The following PCDHGA6 variants were observed in gnomAD, a reference collection of about 807,000 sequenced individuals.
PCDHGA6 encodes the protein protocadherin gamma subfamily A, 6, also known as protocadherin gamma-A6.
PCDHGA6 carries 41 observed loss-of-function variants against 60.6 expected under a neutral mutation model. That is an observed-to-expected ratio of 0.68 (90% CI 0.53 to 0.88). The LOEUF is 0.88. Ranked by LOEUF, PCDHGA6 falls within the 40% of genes least tolerant of loss-of-function variation. The pLI is 0.00. For synonymous variants in PCDHGA6, 594 were observed against 524.4 expected (o/e 1.13, Z -1.81); for missense variants, 1,312 against 1,203.0 (o/e 1.09, Z -1.34).
At chr5:141,409,896 C>A (rs1181128940) in intron 1 of PCDHGA6, 1 of 1,613,240 alleles carries the variant, frequency 6.2e-7, no homozygotes, top group African/African-American at 1.3e-5. Context: ...GTGCTGTACC[C>A]AGCTCTGGGT....
Position 141,403,961 on chromosome 5 carries a change from G to A in PCDHGA6, c.2424+27454G>A, listed in dbSNP as rs763967342. 8.1e-6 allele frequency: 13 copies of A among 1,613,892 alleles called. No individual in the cohort carries two copies. Among genetic ancestry groups the A allele is most frequent in the Non-Finnish European group, 1.1e-5 (13 of 1,179,856 alleles). On this transcript the variant is annotated intron_variant, in intron 1 of 3. Transcript: ENST00000517434. ...AGGGTGGACAAAAGTGCTCATTTCG[G>A]TGGAAGATGTAAATGACAATAGACC...
chr5:141,442,700 T>TC (rs1388243183), intron 1 of PCDHGA6, among the ~76,000 whole-genome samples: 5 of 152,198 alleles, frequency 3.3e-5, no homozygotes, highest in Non-Finnish European at 7.3e-5. Flanking sequence ...CAGACAAGAG[T>TC]ATCAGACATG....
At chr5:141,444,178 TTTTTTTTTTTG>T in intron 1 of PCDHGA6, among the ~76,000 whole-genome samples, 1 of 134,050 alleles carries the variant, frequency 7.5e-6, no homozygotes, top group Admixed American at 7.5e-5. Flanking sequence ...TTTTTTTTTT[TTTTTTTTTTTG>T]AGATGGAGTT....
At chr5:141,430,950 TC>T (rs1353555538) in intron 1 of PCDHGA6, 1 of 1,609,980 alleles carries the variant, frequency 6.2e-7, no homozygotes, top group East Asian at 2.2e-5. Flanking sequence ...GAGCGCGGAG[TC>T]CGCATCATCC....
intron 1 of PCDHGA6, chr5:141,400,037 G>T (rs778871485): frequency 3.1e-6 from 5 of 1,613,132 alleles, no homozygotes; most frequent in Admixed American, 1.7e-5. Flanking sequence ...GCCCGCCAGC[G>T]CCTGCTGGTT....
At chr5:141,434,807 A>G (rs2097718601) in intron 1 of PCDHGA6, among the ~76,000 whole-genome samples, 1 of 152,016 alleles carries the variant, frequency 6.6e-6, no homozygotes, top group South Asian at 2.1e-4. Context: ...AGCTTGGAGA[A>G]ATATATCCCT....
At chr5:141,383,102 C>T (rs991434235) in intron 1 of PCDHGA6, 1 of 1,614,004 alleles carries the variant, frequency 6.2e-7, no homozygotes, top group Non-Finnish European at 8.5e-7. Context: ...CGCATCATCT[C>T]CAGAGGTAGG....
At chr5:141,403,740 C>T in intron 1 of PCDHGA6, 1 of 1,613,920 alleles carries the variant, frequency 6.2e-7, no homozygotes, top group Non-Finnish European at 8.5e-7. Flanking sequence ...TGGCTGCTTA[C>T]TGCAACAGCC....
Position 141,489,866 on chromosome 5 carries a change from A to AGCTGGT in PCDHGA6, c.2425-4937_2425-4932dup. ...GATCGTGAAGCCCAGGCAAGACATC[A>AGCTGGT]GCTGGTGCTTACTGCTGTGGATGGG... On this transcript the variant is annotated intron_variant, in intron 1 of 3. Coordinates refer to ENST00000517434, the MANE Select transcript of PCDHGA6 (RefSeq NM_018919.3). The surrounding 1 kb of genome is among the most constrained non-coding windows in gnomAD (Gnocchi z 4.5). The AGCTGGT allele has an allele frequency of 1.2e-6, 2 of 1,614,220 alleles. No individual in the cohort carries two copies. The highest frequency in any genetic ancestry group is 1.7e-6 in the Non-Finnish European group (2 of 1,180,018).
intron 1 of PCDHGA6, among the ~76,000 whole-genome samples, chr5:141,483,646 GTT>G (rs2099584256): frequency 6.8e-6 from 1 of 146,706 alleles, no homozygotes; most frequent in Admixed American, 6.7e-5. Flanking sequence ...AGGGGTGTGT[GTT>G]TGTGTGTGTG....
intron 1 of PCDHGA6, chr5:141,413,841 T>A: frequency 6.2e-7 from 1 of 1,613,060 alleles, no homozygotes; most frequent in Non-Finnish European, 8.5e-7. Flanking sequence ...CCGACGGGGG[T>A]GACCCTCTCC....
At chr5:141,398,928 T>C in intron 1 of PCDHGA6, 4 of 1,613,962 alleles carry the variant, frequency 2.5e-6, no homozygotes, top group Non-Finnish European at 3.4e-6. Flanking sequence ...TGTCAGCCAC[T>C]GACCAAGACG....
At chr5:141,430,327 T>C (rs1250968800) in intron 1 of PCDHGA6, among the ~76,000 whole-genome samples, 7 of 152,042 alleles carry the variant, frequency 4.6e-5, no homozygotes, top group Non-Finnish European at 1.5e-5. Context: ...AAAATCATTG[T>C]TTATAGAAAC....
chr5:141,429,169 T>TACACACACACACACAC (rs10667977), intron 1 of PCDHGA6: 2 of 145,394 alleles, frequency 1.4e-5, no homozygotes, highest in East Asian at 2.0e-4. Flanking sequence ...ACATTGTTTA[T>TACACACACACACACAC]ACACACACAC....
At chr5:141,478,169 G>T in intron 1 of PCDHGA6, 1 of 1,613,834 alleles carries the variant, frequency 6.2e-7, no homozygotes, top group Non-Finnish European at 8.5e-7. Flanking sequence ...TGCCCCCCGG[G>T]AGCAGAAAAA....
intron 1 of PCDHGA6, among the ~76,000 whole-genome samples, chr5:141,460,628 G>C (rs2098993821): frequency 6.6e-6 from 1 of 151,958 alleles, no homozygotes; most frequent in African/African-American, 2.4e-5. Flanking sequence ...GACAGATACA[G>C]ATATATAACT....
In PCDHGA6 at chr5:141,490,294, T is replaced by C. The variant is rs766906839; in HGVS notation, c.2425-4513T>C. ...CAATGACAATGCCCCAGAGGTGCTA[T>C]TGGCCTCTTTGGCCAACCCTGTCCT... On this transcript the variant is annotated intron_variant, in intron 1 of 3. Transcript: ENST00000517434. This position sits in a 1 kb window ranked among gnomAD's most constrained non-coding sequence, Gnocchi z 5.4. The C allele has an allele frequency of 5.6e-6, 9 of 1,614,104 alleles. No individual in the cohort carries two copies. The East Asian group carries it at 1.3e-4, about 24-fold the overall frequency.
intron 1 of PCDHGA6, chr5:141,393,194 C>G (rs770162660): frequency 6.2e-7 from 1 of 1,613,362 alleles, no homozygotes. Flanking sequence ...TTGATATTAA[C>G]GATAATAACC....
At chr5:141,415,081 C>T in intron 1 of PCDHGA6, 1 of 1,613,522 alleles carries the variant, frequency 6.2e-7, no homozygotes, top group Non-Finnish European at 8.5e-7. Context: ...GGCGCGAGCC[C>T]TGCTGGACAG....
Sources: allele counts gnomAD v4.1 joint callset (sites outside exome capture counted in the v4.1 genomes callset), GRCh38; gene constraint gnomAD v4.1.1; non-coding constraint Gnocchi (gnomAD v3.1); transcripts MANE v1.5; gene names NCBI Gene and HGNC (gene_info 2026-07-23, HGNC 2026-07-21).